The following IMMP2L variants were observed in gnomAD, a reference collection of about 807,000 sequenced individuals.
The protein encoded by IMMP2L is mitochondrial inner membrane protease subunit 2.
A neutral mutation model predicts 19.3 loss-of-function variants in IMMP2L; 18 were observed. The observed-to-expected ratio is 0.93, with a 90% CI of 0.64 to 1.38. The LOEUF (loss-of-function observed/expected upper bound fraction) is 1.38. Ranked by LOEUF, IMMP2L falls within the 40% of genes most tolerant of loss-of-function variation. The pLI is 0.00. For synonymous variants in IMMP2L, 76 were observed against 73.0 expected (o/e 1.04, Z -0.21); for missense variants, 233 against 218.2 (o/e 1.07, Z -0.43).
Position 110,669,091 on chromosome 7 carries a change from A to G in IMMP2L, c.409-5370T>C, listed in dbSNP as rs60767536. ...TGTGTGTGTGTGTGTGTGTGTGTGT[A>G]TATGTATATATATATATAGAGAGAG... On this transcript the variant is annotated intron_variant, in intron 5 of 5. Coordinates refer to ENST00000405709, the MANE Select transcript of IMMP2L (RefSeq NM_032549.4). Among the ~76,000 whole-genome samples the G allele has an allele frequency of 3.7e-3, 469 of 128,206 alleles. 5 individuals are homozygous for G. The highest frequency in any genetic ancestry group is 9.6e-3 in the East Asian group (40 of 4,186). 84.1% of individuals were successfully genotyped at this position (128,206 alleles called of 152,430 possible).
chr7:111,466,524 G>A (rs572934319), intron 3 of IMMP2L, among the ~76,000 whole-genome samples: 13 of 152,036 alleles, frequency 8.6e-5, no homozygotes, highest in Non-Finnish European at 1.5e-4. Flanking sequence ...ATATACCTCA[G>A]TTACGATAAC....
At chr7:110,789,529 C>T (rs1881165) in intron 5 of IMMP2L, among the ~76,000 whole-genome samples, 142,866 of 151,666 alleles carry the variant, frequency 0.94, 67,419 homozygotes, top group East Asian at 0.98. Flanking sequence ...TTCATGTTTT[C>T]ACCTTCCCTC....
At chr7:110,784,182 G>T (rs1409759351) in intron 5 of IMMP2L, among the ~76,000 whole-genome samples, 2 of 151,814 alleles carry the variant, frequency 1.3e-5, no homozygotes, top group African/African-American at 2.4e-5. Context: ...CAGTGTTACA[G>T]TTAGTAATTT....
intron 2 of IMMP2L, among the ~76,000 whole-genome samples, chr7:111,514,830 A>G (rs1182101544): frequency 1.3e-5 from 2 of 152,170 alleles, no homozygotes; most frequent in East Asian, 3.9e-4. Context: ...AAATTTTATA[A>G]TATTCATACT....
intron 3 of IMMP2L, among the ~76,000 whole-genome samples, chr7:111,233,945 C>T (rs1433817335): frequency 6.6e-6 from 1 of 151,974 alleles, no homozygotes; most frequent in Non-Finnish European, 1.5e-5. Context: ...CATGTTTATT[C>T]TGTAGCTAAA....
intron 3 of IMMP2L, among the ~76,000 whole-genome samples, chr7:111,346,101 T>C (rs184990559): frequency 2.6e-5 from 4 of 152,254 alleles, no homozygotes; most frequent in Non-Finnish European, 5.9e-5. Flanking sequence ...ATTTCAATGA[T>C]CAAAGACAAA....
intron 4 of IMMP2L, among the ~76,000 whole-genome samples, chr7:110,919,114 A>G (rs1455389128): frequency 1.3e-5 from 2 of 152,166 alleles, no homozygotes; most frequent in South Asian, 2.1e-4. Flanking sequence ...GTCAAAACCA[A>G]TTCAGGGCCG....
At chr7:111,402,998 C>CT (rs981190383) in intron 3 of IMMP2L, among the ~76,000 whole-genome samples, 1 of 99,636 alleles carries the variant, frequency 1.0e-5, no homozygotes, top group African/African-American at 4.4e-5. Context: ...TTGACCCCCC[C>CT]CCCCCACCCC....
intron 3 of IMMP2L, among the ~76,000 whole-genome samples, chr7:111,205,973 A>G (rs896800262): frequency 7.2e-5 from 11 of 152,342 alleles, no homozygotes; most frequent in Admixed American, 3.9e-4. Context: ...AATCACTTTA[A>G]GTAGAGGACC....
rs548520242 is a variant in IMMP2L, at chr7:110,822,834, T to C, written c.408+63759A>G. ...TCAAAATGTTACTTCTTTAATTATTTGCTTACATGTCTTTCTGCTCCATTG... is the reference window on the plus strand; with the variant it reads ...TCAAAATGTTACTTCTTTAATTATTCGCTTACATGTCTTTCTGCTCCATTG... On this transcript the variant is annotated intron_variant, in intron 5 of 5. Transcript: ENST00000405709. Among the ~76,000 whole-genome samples the C allele has an allele frequency of 2.0e-5, 3 of 152,236 alleles. 1 individual carries two copies. In the South Asian group the frequency reaches 6.2e-4, roughly 32 times the overall value.
At chr7:110,817,334 C>G (rs1679122225) in intron 5 of IMMP2L, among the ~76,000 whole-genome samples, 1 of 151,890 alleles carries the variant, frequency 6.6e-6, no homozygotes, top group African/African-American at 2.4e-5. Flanking sequence ...AAACAGAGAG[C>G]CAAATCATGA....
At chr7:110,738,719 A>G (rs1796802892) in intron 5 of IMMP2L, among the ~76,000 whole-genome samples, 1 of 152,214 alleles carries the variant, frequency 6.6e-6, no homozygotes, top group African/African-American at 2.4e-5. Flanking sequence ...AAGCTCAAAG[A>G]ACACCTGGGA....
intron 3 of IMMP2L, among the ~76,000 whole-genome samples, chr7:111,096,143 A>C (rs1440205279): frequency 6.6e-6 from 1 of 152,010 alleles, no homozygotes; most frequent in Non-Finnish European, 1.5e-5. Flanking sequence ...TTTACAGAGC[A>C]ATTTTTCAAC....
chr7:111,461,016 A>G (rs911915303), intron 3 of IMMP2L, among the ~76,000 whole-genome samples: 1 of 145,596 alleles, frequency 6.9e-6, no homozygotes, highest in Non-Finnish European at 1.5e-5. Context: ...ATCTTTTTCC[A>G]TGTTACCATA....
At chr7:110,883,138 G>T (rs1413157331) in intron 5 of IMMP2L, among the ~76,000 whole-genome samples, 1 of 151,956 alleles carries the variant, frequency 6.6e-6, no homozygotes, top group African/African-American at 2.4e-5. Context: ...TAATATTCAT[G>T]TTTCATACTT....
intron 4 of IMMP2L, among the ~76,000 whole-genome samples, chr7:110,961,193 C>T (rs1818895894): frequency 6.6e-6 from 1 of 151,846 alleles, no homozygotes; most frequent in South Asian, 2.1e-4. Context: ...AGTTGTCCCT[C>T]TGTATTTGTG....
chr7:111,040,149 A>G (rs560904964), intron 3 of IMMP2L, among the ~76,000 whole-genome samples: 1 of 152,330 alleles, frequency 6.6e-6, no homozygotes, highest in East Asian at 1.9e-4. Context: ...AGCCTGGGTG[A>G]CAAGACCAAA....
chr7:111,034,763 C>T (rs1460171060), intron 3 of IMMP2L, among the ~76,000 whole-genome samples: 2 of 152,112 alleles, frequency 1.3e-5, no homozygotes, highest in East Asian at 1.9e-4. Context: ...GCAGCAAAAA[C>T]TTAAATGTGA....
At chr7:111,043,156 C>A (rs1449535813) in intron 3 of IMMP2L, among the ~76,000 whole-genome samples, 1 of 152,150 alleles carries the variant, frequency 6.6e-6, no homozygotes, top group Non-Finnish European at 1.5e-5. Context: ...TGTAGTAAGT[C>A]TCAAAGACAA....
Sources: allele counts gnomAD v4.1 joint callset (sites outside exome capture counted in the v4.1 genomes callset), GRCh38; gene constraint gnomAD v4.1.1; transcripts MANE v1.5; gene names NCBI Gene and HGNC (gene_info 2026-07-23, HGNC 2026-07-21).